BCR: variants seen among roughly 807,000 people sequenced by gnomAD.
BCR encodes the protein BCR activator of RhoGEF and GTPase, also known as breakpoint cluster region protein.
A neutral mutation model predicts 138.6 loss-of-function variants in BCR; 58 were observed. The ratio of observed to expected loss-of-function variants is 0.42; its 90% CI spans 0.34 to 0.52. The LOEUF is 0.52. BCR is among the 20% of genes least tolerant of loss of function. The pLI, the probability that BCR is intolerant of heterozygous loss-of-function variation, is 0.06. For synonymous variants in BCR, 786 were observed against 730.1 expected (o/e 1.08, Z -1.23); for missense variants, 1,599 against 1,727.2 (o/e 0.93, Z 1.32).
At chr22:23,183,507 G>A (rs774497240) in intron 1 of BCR, among the ~76,000 whole-genome samples, 1 of 152,172 alleles carries the variant, frequency 6.6e-6, no homozygotes, top group Non-Finnish European at 1.5e-5. Context: ...GCACGGCTCC[G>A]ACCTGCCGTC....
intron 1 of BCR, among the ~76,000 whole-genome samples, chr22:23,193,383 C>T (rs1003690845): frequency 2.0e-5 from 3 of 152,236 alleles, no homozygotes; most frequent in South Asian, 2.1e-4. Flanking sequence ...TTGGGGGCTT[C>T]GTGGGAGTAG....
intron 1 of BCR, among the ~76,000 whole-genome samples, chr22:23,190,849 A>T: frequency 6.6e-6 from 1 of 152,176 alleles, no homozygotes; most frequent in East Asian, 1.9e-4. Context: ...CTCTCTCCAC[A>T]TCCAAAAAGT....
chr22:23,240,895 C>T (rs2073082531), intron 1 of BCR, among the ~76,000 whole-genome samples: 1 of 152,152 alleles, frequency 6.6e-6, no homozygotes, highest in Non-Finnish European at 1.5e-5. Context: ...ATGAATTTGA[C>T]TACTCTAGGA....
At position 23,196,842 on chromosome 22, in the gene BCR, C is replaced by T. The variant is rs543660598; in HGVS notation, c.1279+14603C>T. ...GGAGCAGCTGTAAATACAGATGAAG[C>T]GTCACTCTCCGCCTACCGCTCACCT... is the stretch of plus-strand genomic sequence containing the variant. On this transcript the variant is annotated intron_variant, in intron 1 of 22. Transcript: ENST00000305877. 8.5e-5 allele frequency among the ~76,000 whole-genome samples: 13 copies of T among 152,292 alleles called. 1 individual carries two copies. The East Asian group carries it at 2.1e-3, about 25-fold the overall frequency.
At position 23,254,545 on chromosome 22, in the gene BCR, C is replaced by T. The variant is rs139392699; in HGVS notation, c.1461+565C>T. The T allele has an allele frequency of 1.3e-3, 681 of 518,034 alleles. 2 individuals carry two copies. Among genetic ancestry groups the T allele is most frequent in the Middle Eastern group, 1.6e-3 (5 of 3,146 alleles). The allele number at this position is 518,034 out of a possible 1,614,324, so 32.1% of individuals were successfully genotyped here. A position where few individuals can be genotyped will look rare whatever the true frequency, so the allele number is the denominator to read the frequency against. ...ACATTCAGTAGATGCTCTGCCATGC[C>T]CTCCAAGAAAGCAGTGGACCCACGC... On this transcript the variant is annotated intron_variant, in intron 2 of 22. Transcript: ENST00000305877.
At position 23,181,780 on chromosome 22, in the gene BCR, C is replaced by G. The variant is rs764231334; in HGVS notation, c.820C>G (p.Leu274Val). 1.2e-6 allele frequency: 2 copies of G among 1,607,534 alleles called. No individual in the cohort carries two copies. Among genetic ancestry groups the G allele is most frequent in the Admixed American group, 1.7e-5 (1 of 60,010 alleles). The part of the protein sequence containing the change: ...NGGSRPPWPP[L>V]EYQPYQSIYV... ...CGGTAGCAGGCCCCCTTGGCCGCCC[C>G]TGGAGTACCAGCCCTACCAGAGCAT... Residue 274 changes from leucine (L) to valine (V), a missense_variant, in exon 1 of 23, where the codon CTG becomes GTG. Physicochemically the swap from Leu to Val is conservative, Grantham distance 32 (BLOSUM62 1). Transcript: ENST00000305877.
rs533504830 is a variant in BCR, at chr22:23,307,070, C to T, written c.3013-2354C>T. 6.6e-5 allele frequency among the ~76,000 whole-genome samples: 10 copies of T among 152,320 alleles called. No individual in the cohort carries two copies. The East Asian group carries it at 1.5e-3, about 24-fold the overall frequency. ...GAAGGAAAGGTAAGAATGTCTCCTGCTTAACATGTTTCTGTGTTTCCAGTT... is the reference window on the plus strand; with the variant it reads ...GAAGGAAAGGTAAGAATGTCTCCTGTTTAACATGTTTCTGTGTTTCCAGTT... On this transcript the variant is annotated intron_variant, in intron 16 of 22. Transcript: ENST00000305877.
In BCR at chr22:23,181,773, G is replaced by T; in HGVS notation, c.813G>T (p.Trp271Cys). ...CCAATGGCGGTAGCAGGCCCCCTTG[G>T]CCGCCCCTGGAGTACCAGCCCTACC... is the stretch of plus-strand genomic sequence containing the variant. ...IDANGGSRPP[W>C]PPLEYQPYQS... The change falls in exon 1 of 23, where the codon TGG (tryptophan) becomes TGT (cysteine). Residue 271 changes from tryptophan (W) to cysteine (C), a missense_variant. Physicochemically the swap from Trp to Cys is radical, Grantham distance 215. Transcript: ENST00000305877. The T allele has an allele frequency of 6.2e-7, 1 of 1,606,712 alleles. No homozygotes were observed.
rs1417009683 is a variant in BCR at position 23,181,738 on chromosome 22, C to T, written c.778C>T (p.Leu260=). The T allele has an allele frequency of 1.2e-6, 2 of 1,604,170 alleles. No homozygotes were observed. Among genetic ancestry groups the T allele is most frequent in the East Asian group, 2.2e-5 (1 of 44,880 alleles). The change falls in exon 1 of 23, where the codon CTG becomes TTG. Residue 260 remains leucine, a synonymous_variant. Coordinates refer to ENST00000305877, the MANE Select transcript of BCR (RefSeq NM_004327.4). ...GAACCCCCGCTTCCTGAAGGACAAC[C>T]TGATCGACGCCAATGGCGGTAGCAG... is the stretch of plus-strand genomic sequence containing the variant. ...ELNPRFLKDN[L]IDANGGSRPP... is the part of the protein sequence containing the mutation.
chr22:23,262,960 G>A (rs1384759562), intron 4 of BCR: 13 of 1,033,150 alleles, frequency 1.3e-5, no homozygotes, highest in Non-Finnish European at 1.6e-5. Context: ...GAAGGGGCGA[G>A]AGGCATCATC....
At chr22:23,301,164 G>A (rs891823584) in intron 16 of BCR, among the ~76,000 whole-genome samples, 2 of 152,236 alleles carry the variant, frequency 1.3e-5, no homozygotes, top group African/African-American at 4.8e-5. Context: ...AAATTAGCCA[G>A]GCGCGATGGC....
intron 22 of BCR, 87 bp from the exon 23 acceptor site, chr22:23,315,346 T>C (rs113774969): frequency 6.7e-6 from 8 of 1,193,348 alleles, no homozygotes; most frequent in African/African-American, 1.5e-5. Context: ...TGAGATGGAC[T>C]TGGAGGCTTG....
intron 1 of BCR, among the ~76,000 whole-genome samples, chr22:23,213,275 G>A (rs1274308608): frequency 8.5e-5 from 13 of 152,212 alleles, no homozygotes. Context: ...GTAGGCACTG[G>A]CCAGGCTGTG....
At chr22:23,196,774 C>G (rs977014596) in intron 1 of BCR, among the ~76,000 whole-genome samples, 1 of 152,138 alleles carries the variant, frequency 6.6e-6, no homozygotes, top group African/African-American at 2.4e-5. Context: ...ATACTGCTGC[C>G]GGCCTGACAG....
At chr22:23,245,000 AG>A (rs1338180250) in intron 1 of BCR, among the ~76,000 whole-genome samples, 1 of 151,910 alleles carries the variant, frequency 6.6e-6, no homozygotes, top group Non-Finnish European at 1.5e-5. Flanking sequence ...TGGAGAAGAG[AG>A]GGGGTTCTCC....
intron 10 of BCR, among the ~76,000 whole-genome samples, chr22:23,286,919 A>T (rs2073720485): frequency 6.6e-6 from 1 of 152,184 alleles, no homozygotes; most frequent in Non-Finnish European, 1.5e-5. Flanking sequence ...AATTCCTCCA[A>T]AAAAGGTTTA....
intron 1 of BCR, among the ~76,000 whole-genome samples, chr22:23,229,832 A>G (rs190353386): frequency 5.6e-4 from 86 of 152,262 alleles, no homozygotes; most frequent in Admixed American, 5.6e-3. Flanking sequence ...GTGCTGGTGA[A>G]GGGGGCAGGG....
chr22:23,272,958 G>C, intron 6 of BCR, 123 bp from the exon 7 acceptor site: 1 of 1,016,154 alleles, frequency 9.8e-7, no homozygotes, highest in South Asian at 1.4e-5. Context: ...CTGCGCAGAG[G>C]GGAGATGGGG....
intron 2 of BCR, among the ~76,000 whole-genome samples, chr22:23,256,596 G>A (rs1407824588): frequency 6.6e-6 from 1 of 152,116 alleles, no homozygotes; most frequent in East Asian, 1.9e-4. Context: ...CCTTTCTCCA[G>A]CAGCTGTGCT....
Sources: allele counts gnomAD v4.1 joint callset (sites outside exome capture counted in the v4.1 genomes callset), GRCh38; gene constraint gnomAD v4.1.1; transcripts MANE v1.5; gene names NCBI Gene and HGNC (gene_info 2026-07-23, HGNC 2026-07-21).